Variants in BRAF observed in about 807,000 individuals in gnomAD.
BRAF encodes serine/threonine-protein kinase B-raf.
In BRAF, 16 loss-of-function variants were observed where a neutral mutation model predicts 104.6. That is an observed-to-expected ratio of 0.15 (90% CI 0.10 to 0.23). The LOEUF is 0.23. BRAF is among the 10% of genes least tolerant of loss of function. BRAF has a pLI of 1.00. For synonymous variants in BRAF, 310 were observed against 341.6 expected (o/e 0.91, Z 1.02); for missense variants, 541 against 937.3 (o/e 0.58, Z 5.52).
chr7:140,743,531 C>G (rs988179859), intron 17 of BRAF, among the ~76,000 whole-genome samples: 4 of 151,798 alleles, frequency 2.6e-5, no homozygotes, highest in African/African-American at 9.7e-5. Context: ...AATGAGAACA[C>G]GTGGACACAG....
At position 140,924,056 on chromosome 7, in the gene BRAF, G is replaced by C. The variant is rs1386841109; in HGVS notation, c.138+510C>G. ...AATCCCCAAATAGAAAAGTGAAAAA[G>C]GGCAGCGGACTGAGAAGGGGGGCAG... On this transcript the variant is annotated intron_variant, in intron 1 of 19. Coordinates refer to ENST00000644969, the MANE Select transcript of BRAF (RefSeq NM_001374258.1). This position sits in a 1 kb window ranked among gnomAD's most constrained non-coding sequence, Gnocchi z 4.2. Among the ~76,000 whole-genome samples, 1 of 152,154 alleles carries C rather than the reference G, an allele frequency of 6.6e-6. No individual in the cohort carries two copies. Among genetic ancestry groups the C allele is most frequent in the East Asian group, 1.9e-4 (1 of 5,194 alleles).
rs1306720885 is a variant in BRAF at position 140,720,541 on chromosome 7, TA to T, written c.*5952del. On this transcript the variant is annotated 3_prime_UTR_variant, in exon 20 of 20. Coordinates refer to ENST00000644969, the MANE Select transcript of BRAF (RefSeq NM_001374258.1). ...AAATGTATTAGGAAGGAATGATTCT[TA>T]AAAAAACCGTTCACAGCTTAGAATA... 1 of 1,065,302 alleles carries T rather than the reference TA, an allele frequency of 9.4e-7. No homozygotes were observed. The highest frequency in any genetic ancestry group is 4.6e-5 in the South Asian group (1 of 21,964). The allele number at this position is 1,065,302 out of a possible 1,614,324, so 66.0% of individuals were successfully genotyped here.
intron 19 of BRAF, chr7:140,733,038 C>T (rs1241093061): frequency 1.3e-5 from 2 of 152,032 alleles, no homozygotes; most frequent in Non-Finnish European, 2.9e-5. Flanking sequence ...TTTAAAAATA[C>T]GTGAAATGTT....
rs794727865 is a variant in BRAF, at chr7:140,800,424, G to C, written c.918C>G (p.Ser306=). The part of the protein sequence containing the change: ...EHHPIPQEEA[S]LAETALTSGS... Reference sequence around the variant, plus strand: ...CAGATGTTAGGGCAGTCTCTGCTAAGGACGCCTCTTCCTGTGGTATTGGGT... The same window carrying C: ...CAGATGTTAGGGCAGTCTCTGCTAACGACGCCTCTTCCTGTGGTATTGGGT... The change falls in exon 7 of 20, where the codon TCC becomes TCG. Residue 306 remains serine (S), a synonymous_variant. Coordinates refer to ENST00000644969, the MANE Select transcript of BRAF (RefSeq NM_001374258.1). 4.3e-6 allele frequency: 7 copies of C among 1,614,194 alleles called. No individual in the cohort carries two copies. Among genetic ancestry groups the C allele is most frequent in the Non-Finnish European group, 5.9e-6 (7 of 1,180,036 alleles).
chr7:140,845,939 A>G (rs1297421214), intron 2 of BRAF, among the ~76,000 whole-genome samples: 1 of 152,114 alleles, frequency 6.6e-6, no homozygotes, highest in African/African-American at 2.4e-5. Context: ...TTAGCCTCCC[A>G]AAGTGCTGGC....
At position 140,842,909 on chromosome 7, in the gene BRAF, G is replaced by A. The variant is rs77293714; in HGVS notation, c.240+7202C>T. On this transcript the variant is annotated intron_variant, in intron 2 of 19. Transcript: ENST00000644969. ...GTACGTGGGAAAAAGAAAATCAAGA[G>A]GATTTCTGATGGTGGTGTAACCAAT... Among the ~76,000 whole-genome samples the A allele has an allele frequency of 7.7e-3, 1,166 of 152,244 alleles. 27 individuals carry two copies. Among genetic ancestry groups the A allele is most frequent in the East Asian group, 0.074 (383 of 5,182 alleles).
intron 1 of BRAF, among the ~76,000 whole-genome samples, chr7:140,884,475 G>A (rs866389523): frequency 8.2e-6 from 1 of 122,454 alleles, no homozygotes; most frequent in Non-Finnish European, 1.8e-5. Context: ...GTGTGTGTGT[G>A]TATAAAAATA....
At chr7:140,830,800 G>A (rs1394766829) in intron 3 of BRAF, among the ~76,000 whole-genome samples, 3 of 152,240 alleles carry the variant, frequency 2.0e-5, no homozygotes, top group Non-Finnish European at 4.4e-5. Flanking sequence ...CCTAAAGAGA[G>A]CACAGAAGCT....
chr7:140,907,645 C>T (rs1027941487), intron 1 of BRAF, among the ~76,000 whole-genome samples: 8 of 152,062 alleles, frequency 5.3e-5, no homozygotes, highest in Non-Finnish European at 8.8e-5. Flanking sequence ...TCACTGCAGC[C>T]TCAAACTCCT....
intron 7 of BRAF, among the ~76,000 whole-genome samples, chr7:140,796,362 A>AG (rs1299350770): frequency 6.6e-6 from 1 of 152,004 alleles, no homozygotes; most frequent in Non-Finnish European, 1.5e-5. Context: ...AAAAAAAAAA[A>AG]AAGGCTTAAA....
In BRAF at chr7:140,725,203, T is replaced by C. The variant is rs924876199; in HGVS notation, c.*1291A>G. The C allele has an allele frequency of 7.7e-6, 8 of 1,043,122 alleles. No individual in the cohort carries two copies. Among genetic ancestry groups the C allele is most frequent in the Non-Finnish European group, 9.2e-6 (8 of 865,092 alleles). 64.6% of individuals were successfully genotyped at this position (1,043,122 alleles called of 1,614,324 possible). On this transcript the variant is annotated 3_prime_UTR_variant, in exon 20 of 20. Coordinates refer to ENST00000644969, the MANE Select transcript of BRAF (RefSeq NM_001374258.1). Reference sequence around the variant, plus strand: ...TCTAGATAAAAGACTAGAAAGAAGATGTGGGATATAGTGTTAGGAATCAGT... The same window carrying C: ...TCTAGATAAAAGACTAGAAAGAAGACGTGGGATATAGTGTTAGGAATCAGT...
chr7:140,835,832 C>A (rs1361847578), intron 2 of BRAF: 3 of 152,204 alleles, frequency 2.0e-5, no homozygotes, highest in African/African-American at 7.2e-5. Flanking sequence ...TACCTACCAT[C>A]TCAAATAGAT....
chr7:140,763,107 T>A (rs1798920990), intron 14 of BRAF, among the ~76,000 whole-genome samples: 1 of 152,244 alleles, frequency 6.6e-6, no homozygotes, highest in Non-Finnish European at 1.5e-5. Context: ...TGGCCCGTTC[T>A]CAATGAGCTG....
Position 140,838,305 on chromosome 7 carries a change from T to C in BRAF, c.241-3433A>G, listed in dbSNP as rs1293826531. ...AATTTTTCTCAACTTCAAAATAATTTTGTGAGGATTAAATGAGATAACACA... is the reference window on the plus strand; with the variant it reads ...AATTTTTCTCAACTTCAAAATAATTCTGTGAGGATTAAATGAGATAACACA... On this transcript the variant is annotated intron_variant, in intron 2 of 19. Transcript: ENST00000644969. Among the ~76,000 whole-genome samples the C allele has an allele frequency of 4.6e-5, 7 of 152,300 alleles. No homozygotes were observed. The East Asian group carries it at 1.3e-3, about 29-fold the overall frequency.
chr7:140,781,387 C>G, intron 12 of BRAF, 189 bp downstream of exon 11: 1 of 620,362 alleles, frequency 1.6e-6, no homozygotes, highest in Non-Finnish European at 2.9e-6. Context: ...GTAGGAGTCC[C>G]GACTGCTGTG....
intron 11 of BRAF, 83 bp downstream of exon 10, chr7:140,782,938 T>G: frequency 6.7e-7 from 1 of 1,492,888 alleles, no homozygotes; most frequent in Non-Finnish European, 9.2e-7. Context: ...ATGGACATAA[T>G]ATATCTAAAG....
At chr7:140,890,432 G>C (rs1251034988) in intron 1 of BRAF, among the ~76,000 whole-genome samples, 1 of 152,100 alleles carries the variant, frequency 6.6e-6, no homozygotes, top group Admixed American at 6.5e-5. Flanking sequence ...TGAGGATACA[G>C]TGGTGAGCAA....
chr7:140,833,369 A>T (rs1027253177), intron 3 of BRAF, among the ~76,000 whole-genome samples: 2 of 152,166 alleles, frequency 1.3e-5, no homozygotes, highest in Admixed American at 6.5e-5. Context: ...TCTGCTCATG[A>T]ATACAGACAA....
intron 3 of BRAF, among the ~76,000 whole-genome samples, chr7:140,827,003 A>G (rs1355212132): frequency 6.6e-6 from 1 of 152,158 alleles, no homozygotes; most frequent in East Asian, 1.9e-4. Context: ...CAAGGAGTCT[A>G]GGGCTATTGT....
Sources: gnomAD v4.1 joint callset for allele counts (sites outside exome capture counted in the v4.1 genomes callset) on GRCh38, gnomAD v4.1.1 for gene constraint, Gnocchi (gnomAD v3.1) non-coding constraint, MANE v1.5 for transcripts, NCBI Gene and HGNC (gene_info 2026-07-23, HGNC 2026-07-21) for gene names.